Variants in ATP2B4 observed in about 807,000 individuals in gnomAD.
ATP2B4 encodes ATPase plasma membrane Ca2+ transporting 4, also known as plasma membrane calcium-transporting ATPase 4.
Under a neutral mutation model 110.3 loss-of-function variants are expected in ATP2B4, and 39 were observed. That is an observed-to-expected ratio of 0.35 (90% CI 0.27 to 0.46). The LOEUF (loss-of-function observed/expected upper bound fraction) is 0.46. Among genes scored for constraint, ATP2B4 ranks in the 20% least tolerant of loss-of-function variants. The pLI is 1.00. For synonymous variants in ATP2B4, 538 were observed against 571.7 expected, an observed-to-expected ratio of 0.94 and a Z score of 0.84; for missense variants, 1,135 against 1,530.9, an observed-to-expected ratio of 0.74 and a Z score of 4.32.
Position 203,637,845 on chromosome 1 carries a change from C to T in ATP2B4, c.-465+10626C>T, listed in dbSNP as rs541516130. ...TGCTTCCTATCTTGGGAGCTGAAGA[C>T]GGAGGAAAATTTAAGAAAGGAGGAA... On this transcript the variant is annotated intron_variant, in intron 1 of 20. Coordinates refer to ENST00000357681, the MANE Select transcript of ATP2B4 (RefSeq NM_001684.5). Among the ~76,000 whole-genome samples the T allele has an allele frequency of 1.1e-3, 174 of 152,230 alleles. 1 individual carries two copies. Among genetic ancestry groups the T allele is most frequent in the Middle Eastern group, 6.8e-3 (2 of 294 alleles).
chr1:203,726,469 C>G (rs1454247710), intron 19 of ATP2B4, among the ~76,000 whole-genome samples: 9 of 150,224 alleles, frequency 6.0e-5, no homozygotes, highest in Admixed American at 3.3e-4. Context: ...CAGTTTTATG[C>G]TTTGGTAAAG....
intron 1 of ATP2B4, among the ~76,000 whole-genome samples, chr1:203,672,188 T>C (rs1190990961): frequency 6.6e-6 from 1 of 152,320 alleles, no homozygotes; most frequent in South Asian, 2.1e-4. Flanking sequence ...GAGGCCTGCA[T>C]GGCCAGAGGC....
intron 1 of ATP2B4, among the ~76,000 whole-genome samples, chr1:203,644,918 C>A (rs1349660879): frequency 6.6e-6 from 1 of 152,138 alleles, no homozygotes; most frequent in African/African-American, 2.4e-5. Flanking sequence ...TCTATGTGGC[C>A]ACTATGCCAA....
In ATP2B4 at chr1:203,629,683, T is replaced by C. The variant is rs1424287172; in HGVS notation, c.-465+2464T>C. ...GGCTCCACCCTCCCGGGCTCTGCTG[T>C]AGTCTGAGAACTCCGTGGAGAATGC... On this transcript the variant is annotated intron_variant, in intron 1 of 20. Transcript: ENST00000357681. The surrounding 1 kb of genome is among the most constrained non-coding windows in gnomAD (Gnocchi z 4.6). 6.6e-6 allele frequency among the ~76,000 whole-genome samples: 1 copy of C among 152,178 alleles called. No homozygotes were observed. Among genetic ancestry groups the C allele is most frequent in the African/African-American group, 2.4e-5 (1 of 41,448 alleles).
At chr1:203,711,923 C>G (rs1384528111) in intron 12 of ATP2B4, 37 bp from the exon 13 acceptor site, 2 of 1,602,320 alleles carry the variant, frequency 1.2e-6, no homozygotes, top group Non-Finnish European at 1.7e-6. Flanking sequence ...GGTCATCACC[C>G]TCATCTGCGC....
intron 15 of ATP2B4, among the ~76,000 whole-genome samples, chr1:203,715,055 T>G (rs1374475486): frequency 1.3e-5 from 2 of 152,066 alleles, no homozygotes; most frequent in Non-Finnish European, 2.9e-5. Flanking sequence ...CCCATTTACA[T>G]CCCCAGTCTT....
chr1:203,732,525 G>A (rs1666759756), intron 20 of ATP2B4, among the ~76,000 whole-genome samples: 1 of 152,074 alleles, frequency 6.6e-6, no homozygotes, highest in African/African-American at 2.4e-5. Flanking sequence ...CATGGCCCAG[G>A]GGTCTTTCCA....
chr1:203,653,985 A>T (rs142802616), intron 1 of ATP2B4, among the ~76,000 whole-genome samples: 95,834 of 112,438 alleles, frequency 0.85, 40,999 homozygotes, highest in Non-Finnish European at 0.93. Flanking sequence ...ATATATATAT[A>T]TTTTTTTTTT....
At chr1:203,736,973 C>T (rs1036022843) in intron 20 of ATP2B4, among the ~76,000 whole-genome samples, 6 of 152,214 alleles carry the variant, frequency 3.9e-5, no homozygotes, top group African/African-American at 7.2e-5. Flanking sequence ...CCCCTCTTCA[C>T]GTGAGCTTCC....
At chr1:203,687,412 T>G (rs1323094804) in intron 2 of ATP2B4, among the ~76,000 whole-genome samples, 1 of 152,160 alleles carries the variant, frequency 6.6e-6, no homozygotes, top group Non-Finnish European at 1.5e-5. Flanking sequence ...ATCCCCAATA[T>G]GCTCATCCTA....
At chr1:203,650,044 C>T (rs7537035) in intron 1 of ATP2B4, among the ~76,000 whole-genome samples, 4,222 of 152,318 alleles carry the variant, frequency 0.028, 109 homozygotes, top group African/African-American at 0.061. Flanking sequence ...CCCCAGCCTT[C>T]CCTTCCATGG....
At chr1:203,738,912 G>T (rs548549739) in intron 20 of ATP2B4, among the ~76,000 whole-genome samples, 26 of 152,292 alleles carry the variant, frequency 1.7e-4, no homozygotes, top group African/African-American at 6.0e-4. Flanking sequence ...GGCTGAAAGG[G>T]CAAATTATTA....
chr1:203,699,319 T>C (rs1190334457), intron 3 of ATP2B4, 141 bp from the exon 4 acceptor site: 7 of 1,146,950 alleles, frequency 6.1e-6, no homozygotes, highest in Non-Finnish European at 7.4e-6. Flanking sequence ...TCCTCTGATA[T>C]CCTCTTCCAG....
Position 203,721,229 on chromosome 1 carries a change from G to A in ATP2B4, c.2631G>A (p.Trp877Ter), listed in dbSNP as rs370927585. The change falls in exon 17 of 21, where the codon TGG becomes TGA. Residue 877 changes from tryptophan to a stop codon, truncating the protein, a stop_gained. Transcript: ENST00000357681. LOFTEE classifies it high-confidence loss of function. ...DSPLKAVQML[W>*]VNLIMDTFAS... ...CATTGAAAGCTGTGCAGATGTTGTG[G>A]GTTAATCTGATCATGGACACTTTTG... The A allele has an allele frequency of 6.2e-7, 1 of 1,614,180 alleles. No homozygotes were observed. Among genetic ancestry groups the A allele is most frequent in the Admixed American group, 1.7e-5 (1 of 60,026 alleles).
At chr1:203,700,173 C>T in intron 4 of ATP2B4, 33 bp from the exon 5 acceptor site, 2 of 1,601,022 alleles carry the variant, frequency 1.2e-6, no homozygotes, top group Non-Finnish European at 1.7e-6. Context: ...TTACTATCTC[C>T]TTCACTGTCC....
At chr1:203,728,713 C>T (rs372516068) in intron 20 of ATP2B4, among the ~76,000 whole-genome samples, 2 of 151,972 alleles carry the variant, frequency 1.3e-5, no homozygotes, top group East Asian at 1.9e-4. Context: ...CAAAATTAGC[C>T]GGGCGTAGTG....
intron 1 of ATP2B4, among the ~76,000 whole-genome samples, chr1:203,667,584 C>T (rs1358276417): frequency 6.6e-6 from 1 of 152,178 alleles, no homozygotes; most frequent in Non-Finnish European, 1.5e-5. Context: ...GTCCTTCTTG[C>T]TCGGGTGCTA....
At chr1:203,655,242 A>G (rs1664123656) in intron 1 of ATP2B4, among the ~76,000 whole-genome samples, 1 of 152,250 alleles carries the variant, frequency 6.6e-6, no homozygotes, top group Non-Finnish European at 1.5e-5. Flanking sequence ...AGAATATTAC[A>G]TAAACATAGT....
chr1:203,694,968 C>T (rs1458488616), intron 2 of ATP2B4, among the ~76,000 whole-genome samples: 1 of 152,128 alleles, frequency 6.6e-6, no homozygotes, highest in African/African-American at 2.4e-5. Flanking sequence ...AAGATGATTA[C>T]AGGGTATTAG....
Sources: allele counts gnomAD v4.1 joint callset (sites outside exome capture counted in the v4.1 genomes callset), GRCh38; gene constraint gnomAD v4.1.1; non-coding constraint Gnocchi (gnomAD v3.1); transcripts MANE v1.5; gene names NCBI Gene and HGNC (gene_info 2026-07-23, HGNC 2026-07-21).